MAD1L1: variants seen among roughly 807,000 people sequenced by gnomAD.
MAD1L1 encodes the protein mitotic arrest deficient 1 like 1, also known as mitotic spindle assembly checkpoint protein MAD1.
In MAD1L1, 95 loss-of-function variants were observed where a neutral mutation model predicts 96.9. The observed-to-expected ratio is 0.98, with a 90% CI of 0.83 to 1.16. The LOEUF (loss-of-function observed/expected upper bound fraction) is 1.16. Ranked by LOEUF, MAD1L1 falls within the 50% of genes most tolerant of loss-of-function variation. The pLI is 0.00. For synonymous variants in MAD1L1, 473 were observed against 396.6 expected, an observed-to-expected ratio of 1.19 and a Z score of -2.29; for missense variants, 1,007 against 954.4, an observed-to-expected ratio of 1.06 and a Z score of -0.73.
chr7:2,103,055 G>A lies in MAD1L1; in HGVS notation c.1074-33717C>T, dbSNP rs1228225667. ...GCTGCCAACACCTGGGTCAGCGCTG[G>A]GTCAGGCCTGGCCACGCTGCCTGCC... is the stretch of plus-strand genomic sequence containing the variant. On this transcript the variant is annotated intron_variant, in intron 11 of 18. Transcript: ENST00000265854. The surrounding 1 kb of genome is among the most constrained non-coding windows in gnomAD (Gnocchi z 4.3). 6.6e-6 allele frequency among the ~76,000 whole-genome samples: 1 copy of A among 152,200 alleles called. No individual in the cohort carries two copies. The highest frequency in any genetic ancestry group is 1.5e-5 in the Non-Finnish European group (1 of 68,040).
intron 18 of MAD1L1, among the ~76,000 whole-genome samples, chr7:1,834,781 G>A (rs1355751284): frequency 1.3e-5 from 2 of 151,990 alleles, no homozygotes; most frequent in African/African-American, 4.8e-5. Context: ...GAAAACTGAA[G>A]AGGAGGAATG....
intron 18 of MAD1L1, among the ~76,000 whole-genome samples, chr7:1,890,682 G>A (rs1189823613): frequency 6.6e-6 from 1 of 152,236 alleles, no homozygotes; most frequent in Non-Finnish European, 1.5e-5. Flanking sequence ...GGTATGTCGG[G>A]GAGAGGAGGA....
intron 12 of MAD1L1, among the ~76,000 whole-genome samples, chr7:2,038,924 C>T (rs758027867): frequency 3.6e-4 from 55 of 152,194 alleles, no homozygotes; most frequent in Non-Finnish European, 6.2e-4. Flanking sequence ...ACATCTGGCA[C>T]AACTACAGCA....
Position 1,936,740 on chromosome 7 carries a change from G to A in MAD1L1, c.1754C>T (p.Pro585Leu), listed in dbSNP as rs750304640. 4 of 1,565,206 alleles carry A rather than the reference G, an allele frequency of 2.6e-6. No individual in the cohort carries two copies. The highest frequency in any genetic ancestry group is 3.8e-5 in the Admixed American group (2 of 52,988). ...CGCGGCGGCAGCCTCAAGGTCGGCT[G>A]GGACGGTGCCTCCTCTCTCCATGGC... ...LRAMERGGTVPADLEAAAASL... is the reference protein window; with the variant it reads ...LRAMERGGTVLADLEAAAASL... Residue 585 changes from proline to leucine, a missense_variant, in exon 17 of 19, where the codon CCA becomes CTA. By Grantham distance (98) the Pro-to-Leu change is moderately conservative (BLOSUM62 -3). Coordinates refer to ENST00000265854, the MANE Select transcript of MAD1L1 (RefSeq NM_001013836.2).
chr7:1,985,937 G>A (rs1781120963), intron 14 of MAD1L1, among the ~76,000 whole-genome samples: 1 of 152,198 alleles, frequency 6.6e-6, no homozygotes. Flanking sequence ...TTGGCAAAAT[G>A]TCTGGATAGA....
intron 18 of MAD1L1, among the ~76,000 whole-genome samples, chr7:1,859,681 G>T (rs781612294): frequency 6.6e-6 from 1 of 152,180 alleles, no homozygotes; most frequent in Non-Finnish European, 1.5e-5. Flanking sequence ...CCCTCAGCTG[G>T]TGCTCTCCGT....
intron 12 of MAD1L1, among the ~76,000 whole-genome samples, chr7:2,068,142 T>C (rs1337393898): frequency 1.3e-5 from 2 of 152,188 alleles, no homozygotes; most frequent in African/African-American, 4.8e-5. Context: ...TTTTGGAGTG[T>C]CCCCTGTCTG....
intron 10 of MAD1L1, among the ~76,000 whole-genome samples, chr7:2,201,057 G>A (rs1020485831): frequency 3.9e-5 from 6 of 152,210 alleles, no homozygotes; most frequent in African/African-American, 1.4e-4. Context: ...GCTACAGCTG[G>A]CTGCAGGGAG....
At chr7:1,901,721 C>T (rs920976243) in intron 17 of MAD1L1, among the ~76,000 whole-genome samples, 3 of 152,164 alleles carry the variant, frequency 2.0e-5, no homozygotes, top group African/African-American at 7.2e-5. Flanking sequence ...CCAGGGCTAC[C>T]CCAGGCTTAG....
intron 18 of MAD1L1, among the ~76,000 whole-genome samples, chr7:1,823,629 T>TA (rs1319420169): frequency 6.6e-6 from 1 of 152,136 alleles, no homozygotes; most frequent in Non-Finnish European, 1.5e-5. Context: ...GCTTCTCTCT[T>TA]TTCCCAGAAC....
intron 17 of MAD1L1, among the ~76,000 whole-genome samples, chr7:1,929,649 C>A (rs917908252): frequency 2.0e-5 from 3 of 152,040 alleles, no homozygotes; most frequent in African/African-American, 7.3e-5. Context: ...CCAGAGACAG[C>A]CCTTGGGGAA....
chr7:1,820,391 G>A (rs1405102254), intron 18 of MAD1L1, among the ~76,000 whole-genome samples: 6 of 152,252 alleles, frequency 3.9e-5, no homozygotes, highest in Admixed American at 2.0e-4. Context: ...AAACAAGCCC[G>A]AAGCAGGAGG....
intron 11 of MAD1L1, among the ~76,000 whole-genome samples, chr7:2,094,446 C>CA (rs1786373184): frequency 6.6e-6 from 1 of 152,108 alleles, no homozygotes; most frequent in Non-Finnish European, 1.5e-5. Flanking sequence ...AAATAAGACA[C>CA]AAAAAACCAA....
intron 10 of MAD1L1, among the ~76,000 whole-genome samples, chr7:2,192,030 C>T (rs936514687): frequency 1.4e-5 from 2 of 142,732 alleles, no homozygotes; most frequent in Non-Finnish European, 1.5e-5. Context: ...GCCTCTGTCT[C>T]GATAAAAAAA....
intron 11 of MAD1L1, among the ~76,000 whole-genome samples, chr7:2,113,195 C>T (rs1330920814): frequency 1.3e-5 from 2 of 151,686 alleles, no homozygotes; most frequent in Admixed American, 6.6e-5. Flanking sequence ...ACGGAAGAGA[C>T]GGGCGGACAG....
At chr7:1,898,671 C>A (rs1170803007) in intron 17 of MAD1L1, among the ~76,000 whole-genome samples, 1 of 152,212 alleles carries the variant, frequency 6.6e-6, no homozygotes, top group African/African-American at 2.4e-5. Context: ...CAGCCAGGGC[C>A]CCTCCACAGG....
At chr7:2,089,743 C>G (rs1041618820) in intron 11 of MAD1L1, among the ~76,000 whole-genome samples, 1 of 152,124 alleles carries the variant, frequency 6.6e-6, no homozygotes, top group Admixed American at 6.5e-5. Flanking sequence ...CACCCCATCA[C>G]GTGCATCGTG....
rs116390779 is a variant in MAD1L1, at chr7:2,203,444, G to A, written c.986+9768C>T. 7.8e-3 allele frequency among the ~76,000 whole-genome samples: 1,191 copies of A among 152,326 alleles called. 19 individuals carry two copies. The highest frequency in any genetic ancestry group is 0.027 in the African/African-American group (1,115 of 41,562). On this transcript the variant is annotated intron_variant, in intron 10 of 18. Transcript: ENST00000265854. Reference sequence around the variant, plus strand: ...GGAGCGCACAGCACTCATGCTTTTCGGGAGGGCGGTGTGGCACCAGCTAGG... The same window carrying A: ...GGAGCGCACAGCACTCATGCTTTTCAGGAGGGCGGTGTGGCACCAGCTAGG...
At chr7:2,215,796 A>G in intron 9 of MAD1L1, 89 bp downstream of exon 9, 4 of 1,187,034 alleles carry the variant, frequency 3.4e-6, no homozygotes, top group Non-Finnish European at 2.5e-6. Flanking sequence ...GTTGTAGGTG[A>G]GCAGCTGGTG....
Sources: allele counts gnomAD v4.1 joint callset (sites outside exome capture counted in the v4.1 genomes callset), GRCh38; gene constraint gnomAD v4.1.1; non-coding constraint Gnocchi (gnomAD v3.1); transcripts MANE v1.5; gene names NCBI Gene and HGNC (gene_info 2026-07-23, HGNC 2026-07-21).